The following RIMS1 variants were observed in gnomAD, a reference collection of about 807,000 sequenced individuals.
RIMS1 encodes regulating synaptic membrane exocytosis 1.
RIMS1 carries 83 observed loss-of-function variants against 214.1 expected under a neutral mutation model. The ratio of observed to expected loss-of-function variants is 0.39; its 90% CI spans 0.32 to 0.47. The LOEUF is 0.47. Among genes scored for constraint, RIMS1 ranks in the 20% least tolerant of loss-of-function variants. The probability of loss-of-function intolerance (pLI) is 0.99; values close to 1 mark genes in which losing one functional copy is unlikely to be tolerated. For synonymous variants in RIMS1, 793 were observed against 786.8 expected, an observed-to-expected ratio of 1.01 and a Z score of -0.13; for missense variants, 2,050 against 2,161.8, an observed-to-expected ratio of 0.95 and a Z score of 1.03.
intron 4 of RIMS1, among the ~76,000 whole-genome samples, chr6:72,107,763 A>G (rs1017489500): frequency 6.6e-6 from 1 of 152,270 alleles, no homozygotes; most frequent in South Asian, 2.1e-4. Context: ...GGAAAATGCT[A>G]ATTAAATGAG....
At chr6:72,183,912 T>C (rs11969460) in intron 6 of RIMS1, among the ~76,000 whole-genome samples, 40,377 of 152,118 alleles carry the variant, frequency 0.27, 6,132 homozygotes, top group Non-Finnish European at 0.34. Context: ...CACACACTTA[T>C]AGACTACGTG....
At chr6:72,077,480 A>G (rs1194733016) in intron 2 of RIMS1, among the ~76,000 whole-genome samples, 2 of 152,206 alleles carry the variant, frequency 1.3e-5, no homozygotes, top group Non-Finnish European at 2.9e-5. Context: ...AAAGAATCCC[A>G]GTTCAGAAGT....
intron 22 of RIMS1, among the ~76,000 whole-genome samples, chr6:72,271,439 G>C (rs1330079458): frequency 6.6e-6 from 1 of 151,100 alleles, no homozygotes; most frequent in Non-Finnish European, 1.5e-5. Context: ...ATTTGTTTTG[G>C]TTTCTAATGT....
chr6:72,095,287 T>C (rs887309120), intron 2 of RIMS1, among the ~76,000 whole-genome samples: 4 of 152,042 alleles, frequency 2.6e-5, no homozygotes, highest in African/African-American at 9.7e-5. Context: ...TTTTCTTTAG[T>C]GGAAGAAGTA....
intron 9 of RIMS1, among the ~76,000 whole-genome samples, chr6:72,241,814 A>G (rs939417141): frequency 3.3e-5 from 5 of 152,210 alleles, no homozygotes; most frequent in African/African-American, 9.6e-5. Context: ...TGGTGAAGAC[A>G]CTGAAGCATG....
At chr6:72,266,251 T>G in intron 22 of RIMS1, 2 of 586,698 alleles carry the variant, frequency 3.4e-6, no homozygotes, top group Non-Finnish European at 6.1e-6. Flanking sequence ...CATACACATA[T>G]TTCTATGAAT....
intron 2 of RIMS1, among the ~76,000 whole-genome samples, chr6:72,086,332 A>G (rs1441529840): frequency 6.6e-6 from 1 of 152,170 alleles, no homozygotes. Context: ...AATTCACCTA[A>G]GTAAATTTAG....
rs1446486929 is a variant in RIMS1 at position 72,154,646 on chromosome 6, A to C, written c.472-24929A>C. Reference sequence around the variant, plus strand: ...AAGAGTACATTTGTGAGAATCTAGGAGTTCACTGAAGTTCCAGCACATCAT... The same window carrying C: ...AAGAGTACATTTGTGAGAATCTAGGCGTTCACTGAAGTTCCAGCACATCAT... On this transcript the variant is annotated intron_variant, in intron 4 of 33. Coordinates refer to ENST00000521978, the MANE Select transcript of RIMS1 (RefSeq NM_014989.7). Among the ~76,000 whole-genome samples the C allele has an allele frequency of 1.4e-5, 2 of 140,644 alleles. 1 individual carries two copies. The highest frequency in any genetic ancestry group is 3.2e-5 in the Non-Finnish European group (2 of 61,910). The allele number at this position is 140,644 out of a possible 152,430, so 92.3% of individuals were successfully genotyped here.
At chr6:71,896,266 A>G (rs929848873) in intron 1 of RIMS1, among the ~76,000 whole-genome samples, 1 of 152,200 alleles carries the variant, frequency 6.6e-6, no homozygotes, top group African/African-American at 2.4e-5. Context: ...GAGAATGGAT[A>G]TTTCAATTTA....
At chr6:72,052,490 C>T (rs1824980621) in intron 2 of RIMS1, among the ~76,000 whole-genome samples, 1 of 152,166 alleles carries the variant, frequency 6.6e-6, no homozygotes, top group South Asian at 2.1e-4. Flanking sequence ...CATTGACCTG[C>T]TTTCACTCTT....
At chr6:71,944,351 C>T (rs1017074136) in intron 1 of RIMS1, among the ~76,000 whole-genome samples, 1 of 152,178 alleles carries the variant, frequency 6.6e-6, no homozygotes, top group African/African-American at 2.4e-5. Context: ...GAAGAAGAGG[C>T]ACCCCTTTCT....
chr6:72,325,437 C>T (rs1593541364), intron 28 of RIMS1, among the ~76,000 whole-genome samples: 3 of 150,738 alleles, frequency 2.0e-5, no homozygotes, highest in African/African-American at 4.9e-5. Context: ...CTAAAAGAAC[C>T]TAGAAGTCTA....
intron 1 of RIMS1, among the ~76,000 whole-genome samples, chr6:71,947,051 C>T (rs1479519333): frequency 6.6e-6 from 1 of 152,006 alleles, no homozygotes. Context: ...CTCAACATCA[C>T]TAATTCTCAG....
chr6:72,168,345 G>C (rs1450191211), intron 4 of RIMS1, among the ~76,000 whole-genome samples: 1 of 152,186 alleles, frequency 6.6e-6, no homozygotes, highest in Non-Finnish European at 1.5e-5. Flanking sequence ...GAAATGAAAG[G>C]AAATAAAGTA....
chr6:72,114,739 T>G (rs1161841728), intron 4 of RIMS1, among the ~76,000 whole-genome samples: 2 of 151,922 alleles, frequency 1.3e-5, no homozygotes, highest in Non-Finnish European at 2.9e-5. Context: ...GAAACTCCAG[T>G]GTTTAAAACT....
chr6:72,031,276 G>A (rs1034093598), intron 2 of RIMS1, among the ~76,000 whole-genome samples: 1 of 151,958 alleles, frequency 6.6e-6, no homozygotes, highest in African/African-American at 2.4e-5. Context: ...GGAAGTGTGG[G>A]GATTTTAGTT....
At chr6:72,117,709 A>T (rs58264247) in intron 4 of RIMS1, among the ~76,000 whole-genome samples, 1,646 of 152,110 alleles carry the variant, frequency 0.011, 27 homozygotes, top group African/African-American at 0.038. Context: ...AGATGGAATT[A>T]AAAAATTCTT....
In RIMS1 at chr6:72,097,111, C is replaced by T; in HGVS notation, c.408C>T (p.Arg136=). The change falls in exon 3 of 34, where the codon CGC becomes CGT. Residue 136 remains arginine, a synonymous_variant. Coordinates refer to ENST00000521978, the MANE Select transcript of RIMS1 (RefSeq NM_014989.7). ...DGCGHLCSYC[R]TKFCARCGGR... The stretch of plus-strand genomic sequence containing the variant: ...GCGGTCATCTCTGCTCCTATTGTCG[C>T]ACTAAGTTCTGTGCGCGCTGCGGAG... 1.2e-6 allele frequency: 2 copies of T among 1,614,006 alleles called. No homozygotes were observed. Among genetic ancestry groups the T allele is most frequent in the South Asian group, 2.2e-5 (2 of 91,086 alleles).
intron 1 of RIMS1, among the ~76,000 whole-genome samples, chr6:71,949,861 G>T (rs564639905): frequency 5.3e-4 from 81 of 152,174 alleles, no homozygotes; most frequent in African/African-American, 1.9e-3. Flanking sequence ...CCACTCCTAG[G>T]TATTTACTAG....
Sources: gnomAD v4.1 joint callset for allele counts (sites outside exome capture counted in the v4.1 genomes callset) on GRCh38, gnomAD v4.1.1 for gene constraint, MANE v1.5 for transcripts, NCBI Gene and HGNC (gene_info 2026-07-23, HGNC 2026-07-21) for gene names.